Variants in SH3RF3 observed in about 807,000 individuals in gnomAD.
The protein encoded by SH3RF3 is E3 ubiquitin-protein ligase SH3RF3.
SH3RF3 carries 29 observed loss-of-function variants against 66.3 expected under a neutral mutation model. The observed-to-expected ratio is 0.44, with a 90% confidence interval of 0.33 to 0.60. The LOEUF (loss-of-function observed/expected upper bound fraction) is 0.60. SH3RF3 is among the 20% of genes least tolerant of loss of function. The probability of loss-of-function intolerance (pLI) is 0.04; values close to 1 mark genes in which losing one functional copy is unlikely to be tolerated. For missense variants in SH3RF3, 1,194 were observed against 1,190.9 expected, an observed-to-expected ratio of 1.00 and a Z score of -0.04; for synonymous variants, 583 against 532.0, an observed-to-expected ratio of 1.10 and a Z score of -1.32.
chr2:109,436,033 AG>A (rs1677387936), intron 6 of SH3RF3, among the ~76,000 whole-genome samples: 1 of 152,134 alleles, frequency 6.6e-6, no homozygotes, highest in Non-Finnish European at 1.5e-5. Context: ...GGTCGTGCCC[AG>A]TGATACCAGC....
In SH3RF3 at chr2:109,389,598, A is replaced by G. The variant is rs934808109; in HGVS notation, c.946-8992A>G. Among the ~76,000 whole-genome samples the G allele has an allele frequency of 1.1e-4, 17 of 152,256 alleles. 1 individual carries two copies. Among genetic ancestry groups the G allele is most frequent in the Admixed American group, 6.5e-5 (1 of 15,292 alleles). On this transcript the variant is annotated intron_variant, in intron 3 of 9. Coordinates refer to ENST00000309415, the MANE Select transcript of SH3RF3 (RefSeq NM_001099289.3). ...GCCAGAGATCTCCAAGGTAGGGTGC[A>G]TGCCACTCTGTGCAAAGAAGACATG...
intron 1 of SH3RF3, among the ~76,000 whole-genome samples, chr2:109,197,208 A>C (rs12616552): frequency 0.13 from 19,175 of 152,100 alleles, 1,504 homozygotes; most frequent in Middle Eastern, 0.19. Context: ...CTTCCTGCCA[A>C]CTCACTGCAG....
At chr2:109,430,662 T>A (rs1677183104) in intron 5 of SH3RF3, among the ~76,000 whole-genome samples, 1 of 152,228 alleles carries the variant, frequency 6.6e-6, no homozygotes, top group African/African-American at 2.4e-5. Flanking sequence ...ACTTTTCCCT[T>A]AGTGGTATTT....
Position 109,355,516 on chromosome 2 carries a change from A to C in SH3RF3, c.849+7567A>C, listed in dbSNP as rs1018675037. ...GCTACAATGGAGGGTTGAGTAATTGACCTACAACTCCTGAAATAGTCTCTG... is the reference window on the plus strand; with the variant it reads ...GCTACAATGGAGGGTTGAGTAATTGCCCTACAACTCCTGAAATAGTCTCTG... On this transcript the variant is annotated intron_variant, in intron 2 of 9. Coordinates refer to ENST00000309415, the MANE Select transcript of SH3RF3 (RefSeq NM_001099289.3). Among the ~76,000 whole-genome samples the C allele has an allele frequency of 4.6e-5, 7 of 152,336 alleles. No homozygotes were observed. The East Asian group carries it at 1.3e-3, about 29-fold the overall frequency.
Position 109,129,258 on chromosome 2 carries a change from C to T in SH3RF3, c.-283C>T. 1 of 585,950 alleles carries T rather than the reference C, an allele frequency of 1.7e-6. No individual in the cohort carries two copies. 36.3% of individuals were successfully genotyped at this position (585,950 alleles called of 1,614,324 possible). On this transcript the variant is annotated 5_prime_UTR_variant, in exon 1 of 10. Coordinates refer to ENST00000309415, the MANE Select transcript of SH3RF3 (RefSeq NM_001099289.3). ...AGCACCCCCGGTCCCCCGCGCGGGG[C>T]GGACTTGCGGCGGGACAGGTGTAGC...
At chr2:109,278,274 G>A (rs943216801) in intron 1 of SH3RF3, among the ~76,000 whole-genome samples, 8 of 152,260 alleles carry the variant, frequency 5.3e-5, no homozygotes, top group East Asian at 1.9e-4. Context: ...GCACTTTATC[G>A]GCAGGGCCCC....
intron 1 of SH3RF3, among the ~76,000 whole-genome samples, chr2:109,347,150 G>C (rs559747948): frequency 2.0e-5 from 3 of 152,208 alleles, no homozygotes; most frequent in African/African-American, 7.2e-5. Flanking sequence ...ATGAAGTAAA[G>C]AAAAAATGGT....
Position 109,192,585 on chromosome 2 carries a change from G to A in SH3RF3, c.573+62472G>A, listed in dbSNP as rs185748356. Among the ~76,000 whole-genome samples the A allele has an allele frequency of 4.2e-4, 64 of 152,250 alleles. 1 individual carries two copies. Among genetic ancestry groups the A allele is most frequent in the Admixed American group, 3.5e-3 (53 of 15,296 alleles). Reference sequence around the variant, plus strand: ...TCATGTGGAATTTCTGTCTTGAAACGGCATGGAATAGTCTATGAGATAAAG... The same window carrying A: ...TCATGTGGAATTTCTGTCTTGAAACAGCATGGAATAGTCTATGAGATAAAG... On this transcript the variant is annotated intron_variant, in intron 1 of 9. Coordinates refer to ENST00000309415, the MANE Select transcript of SH3RF3 (RefSeq NM_001099289.3).
chr2:109,423,403 C>T (rs1043813102), intron 5 of SH3RF3, among the ~76,000 whole-genome samples: 7 of 152,138 alleles, frequency 4.6e-5, no homozygotes, highest in Admixed American at 6.5e-5. Context: ...GCCATTTGTG[C>T]GTGTGGTCAA....
intron 1 of SH3RF3, among the ~76,000 whole-genome samples, chr2:109,130,516 G>GAA (rs1676666108): frequency 6.6e-6 from 1 of 152,172 alleles, no homozygotes; most frequent in Non-Finnish European, 1.5e-5. Flanking sequence ...TAACGTTTCT[G>GAA]ACAGGGCTCT....
chr2:109,334,344 T>G (rs1250147630), intron 1 of SH3RF3, among the ~76,000 whole-genome samples: 1 of 138,654 alleles, frequency 7.2e-6, no homozygotes, highest in Non-Finnish European at 1.5e-5. Flanking sequence ...GGTGACAGTT[T>G]TTTTTTTTTC....
intron 2 of SH3RF3, among the ~76,000 whole-genome samples, chr2:109,359,304 A>G (rs1683009656): frequency 6.6e-6 from 1 of 152,252 alleles, no homozygotes; most frequent in African/African-American, 2.4e-5. Context: ...CAATATTCAC[A>G]AAAGAACTTG....
At chr2:109,356,039 A>G (rs539376940) in intron 2 of SH3RF3, among the ~76,000 whole-genome samples, 28 of 152,310 alleles carry the variant, frequency 1.8e-4, no homozygotes, top group African/African-American at 6.7e-4. Context: ...CTAACATGCT[A>G]CAGTGAATGT....
At chr2:109,375,437 C>CAG (rs112519143) in intron 3 of SH3RF3, among the ~76,000 whole-genome samples, 3,898 of 152,320 alleles carry the variant, frequency 0.026, 112 homozygotes, top group African/African-American at 0.063. Flanking sequence ...AGTGTCCACT[C>CAG]GGGCACAGAG....
chr2:109,252,716 A>G (rs998808853), intron 1 of SH3RF3, among the ~76,000 whole-genome samples: 1 of 152,238 alleles, frequency 6.6e-6, no homozygotes, highest in Non-Finnish European at 1.5e-5. Flanking sequence ...AGAACAATAT[A>G]CATTAGGCTG....
chr2:109,204,230 G>A (rs1323575741), intron 1 of SH3RF3, among the ~76,000 whole-genome samples: 1 of 152,006 alleles, frequency 6.6e-6, no homozygotes, highest in Non-Finnish European at 1.5e-5. Context: ...GTCTGTCTTG[G>A]GTGAACCATG....
Position 109,490,718 on chromosome 2 carries a change from C to G in SH3RF3, c.2262C>G (p.Ala754=). The G allele has an allele frequency of 3.3e-6, 5 of 1,535,102 alleles. No individual in the cohort carries two copies. The highest frequency in any genetic ancestry group is 4.4e-6 in the Non-Finnish European group (5 of 1,145,314). Residue 754 remains alanine (A), a synonymous_variant, in exon 9 of 10, where the codon GCC becomes GCG. Coordinates refer to ENST00000309415, the MANE Select transcript of SH3RF3 (RefSeq NM_001099289.3). ...ACGACCCCCAGGTGGCCGTGGACGC[C>G]CTGCTCCAAGGTGCAGTGGGCCCCG... is the stretch of plus-strand genomic sequence containing the variant. ...PTHDPQVAVD[A]LLQGAVGPEV...
chr2:109,228,092 C>T (rs976008901), intron 1 of SH3RF3, among the ~76,000 whole-genome samples: 1 of 152,200 alleles, frequency 6.6e-6, no homozygotes, highest in Non-Finnish European at 1.5e-5. Flanking sequence ...CTTTTACTCT[C>T]TCTTGACACA....
At chr2:109,227,490 A>G (rs981827078) in intron 1 of SH3RF3, among the ~76,000 whole-genome samples, 4 of 152,214 alleles carry the variant, frequency 2.6e-5, no homozygotes, top group Non-Finnish European at 4.4e-5. Context: ...TGAAGCTATC[A>G]GGGACTGCTT....
Sources: gnomAD v4.1 joint callset for allele counts (sites outside exome capture counted in the v4.1 genomes callset) on GRCh38, gnomAD v4.1.1 for gene constraint, MANE v1.5 for transcripts, NCBI Gene and HGNC (gene_info 2026-07-23, HGNC 2026-07-21) for gene names.